The following CNTNAP2 variants were observed in gnomAD, a reference collection of about 807,000 sequenced individuals.
CNTNAP2 encodes the protein contactin-associated protein-like 2.
Under a neutral mutation model 155.2 loss-of-function variants are expected in CNTNAP2, and 98 were observed. The ratio of observed to expected loss-of-function variants is 0.63; its 90% confidence interval spans 0.54 to 0.75. CNTNAP2 has a LOEUF of 0.75. Ranked by LOEUF, CNTNAP2 falls within the 30% of genes least tolerant of loss-of-function variation. CNTNAP2 has a pLI of 0.00. For missense variants in CNTNAP2, 1,727 were observed against 1,688.1 expected (o/e 1.02, Z -0.40); for synonymous variants, 651 against 631.2 (o/e 1.03, Z -0.47).
chr7:148,218,833 G>C (rs1235748757), intron 19 of CNTNAP2, among the ~76,000 whole-genome samples: 1 of 151,838 alleles, frequency 6.6e-6, no homozygotes, highest in Non-Finnish European at 1.5e-5. Context: ...AGTGACCTCT[G>C]AGAGACATCT....
chr7:147,885,172 T>C (rs10277470), intron 13 of CNTNAP2, among the ~76,000 whole-genome samples: 2 of 152,208 alleles, frequency 1.3e-5, no homozygotes, highest in African/African-American at 4.8e-5. Flanking sequence ...TATTTTAATG[T>C]CATCAATTTT....
intron 1 of CNTNAP2, among the ~76,000 whole-genome samples, chr7:146,516,511 C>T (rs552427162): frequency 1.4e-4 from 22 of 151,994 alleles, no homozygotes; most frequent in Middle Eastern, 3.4e-3. Flanking sequence ...GGGCATTTTG[C>T]GGCAGTATTG....
chr7:147,903,783 A>C, intron 14 of CNTNAP2, 62 bp downstream of exon 14: 6 of 1,581,892 alleles, frequency 3.8e-6, no homozygotes, highest in Non-Finnish European at 5.2e-6. Flanking sequence ...TGTCAAACTC[A>C]TGTGATAGAA....
At chr7:147,400,786 C>T (rs1796899230) in intron 10 of CNTNAP2, among the ~76,000 whole-genome samples, 1 of 152,150 alleles carries the variant, frequency 6.6e-6, no homozygotes, top group Admixed American at 6.6e-5. Flanking sequence ...ATGTCTAGAG[C>T]TGTAGGGTCA....
At chr7:146,422,893 A>G (rs964117526) in intron 1 of CNTNAP2, among the ~76,000 whole-genome samples, 1 of 152,176 alleles carries the variant, frequency 6.6e-6, no homozygotes, top group Admixed American at 6.5e-5. Context: ...TTGGAGATAT[A>G]TGTAGTGCAT....
chr7:146,456,093 G>A (rs917828954), intron 1 of CNTNAP2, among the ~76,000 whole-genome samples: 1 of 152,010 alleles, frequency 6.6e-6, no homozygotes, highest in Non-Finnish European at 1.5e-5. Flanking sequence ...CAATATACTT[G>A]TTCCATTCCT....
At chr7:146,971,721 A>C (rs902632184) in intron 3 of CNTNAP2, among the ~76,000 whole-genome samples, 5 of 152,054 alleles carry the variant, frequency 3.3e-5, no homozygotes, top group Non-Finnish European at 5.9e-5. Flanking sequence ...GCCTACTATA[A>C]AAAGGCACTC....
intron 12 of CNTNAP2, among the ~76,000 whole-genome samples, chr7:147,618,437 A>G (rs995542212): frequency 1.3e-5 from 2 of 152,148 alleles, no homozygotes; most frequent in Non-Finnish European, 2.9e-5. Context: ...AATCTCTCTG[A>G]TTAACAAATT....
chr7:146,210,127 G>A (rs777724804), intron 1 of CNTNAP2, among the ~76,000 whole-genome samples: 6 of 152,034 alleles, frequency 3.9e-5, no homozygotes, highest in East Asian at 3.9e-4. Flanking sequence ...GGACAAAAAG[G>A]CATTGCTAGA....
At position 146,398,184 on chromosome 7, in the gene CNTNAP2, C is replaced by CTTTTTTTTT. The variant is rs34144986; in HGVS notation, c.97+281225_97+281233dup. 1.1e-3 allele frequency among the ~76,000 whole-genome samples: 123 copies of CTTTTTTTTT among 107,026 alleles called. 8 individuals carry two copies. The highest frequency in any genetic ancestry group is 4.9e-3 in the African/African-American group (119 of 24,390). The allele number at this position is 107,026 out of a possible 152,430, so 70.2% of individuals were successfully genotyped here. ...GTGAGCACCTATACCCGGCCCCAAA[C>CTTTTTTTTT]TTTTTTTTTTTTTTTTTTTTTTAGC... is the stretch of plus-strand genomic sequence containing the variant. On this transcript the variant is annotated intron_variant, in intron 1 of 23. Transcript: ENST00000361727.
intron 13 of CNTNAP2, among the ~76,000 whole-genome samples, chr7:147,786,029 T>C (rs570560012): frequency 2.5e-4 from 38 of 152,100 alleles, no homozygotes; most frequent in African/African-American, 7.0e-4. Flanking sequence ...CGGTGGCTCA[T>C]GCCTGTAATC....
chr7:148,330,085 G>A (rs1797958564), intron 21 of CNTNAP2, among the ~76,000 whole-genome samples: 1 of 152,200 alleles, frequency 6.6e-6, no homozygotes. Context: ...GGGATGGAGT[G>A]GACACATGGA....
chr7:146,373,278 A>G (rs147010679), intron 1 of CNTNAP2, among the ~76,000 whole-genome samples: 40 of 152,318 alleles, frequency 2.6e-4, no homozygotes, highest in African/African-American at 9.6e-4. Context: ...GTCTCTATTT[A>G]GCTATTTGGT....
At chr7:148,218,170 A>G (rs1795680509) in intron 19 of CNTNAP2, among the ~76,000 whole-genome samples, 1 of 152,222 alleles carries the variant, frequency 6.6e-6, no homozygotes. Flanking sequence ...AAACATAAAT[A>G]CATTCACTAA....
At chr7:147,632,484 C>T (rs953084965) in intron 12 of CNTNAP2, among the ~76,000 whole-genome samples, 1 of 152,176 alleles carries the variant, frequency 6.6e-6, no homozygotes, top group Non-Finnish European at 1.5e-5. Context: ...TTGCGTTGCT[C>T]TCATTCTCTC....
At chr7:146,558,797 ACT>A (rs1269204247) in intron 1 of CNTNAP2, among the ~76,000 whole-genome samples, 1 of 151,790 alleles carries the variant, frequency 6.6e-6, no homozygotes, top group African/African-American at 2.4e-5. Context: ...CTACCATTCC[ACT>A]CTCTGCTTCT....
intron 9 of CNTNAP2, among the ~76,000 whole-genome samples, chr7:147,372,745 T>G (rs913202229): frequency 6.6e-6 from 1 of 152,058 alleles, no homozygotes; most frequent in African/African-American, 2.4e-5. Flanking sequence ...AAAAAAAATG[T>G]CATCAAGTGA....
intron 13 of CNTNAP2, among the ~76,000 whole-genome samples, chr7:147,874,626 TG>T (rs2116706394): frequency 6.6e-6 from 1 of 152,380 alleles, no homozygotes. Flanking sequence ...TGAAGGTTTC[TG>T]ATATGTCCTG....
chr7:147,243,903 A>G (rs1803997092), intron 8 of CNTNAP2, among the ~76,000 whole-genome samples: 1 of 152,186 alleles, frequency 6.6e-6, no homozygotes, highest in Non-Finnish European at 1.5e-5. Context: ...ATTGTAATTT[A>G]TAATTATGGG....
Sources: allele counts gnomAD v4.1 joint callset (sites outside exome capture counted in the v4.1 genomes callset), GRCh38; gene constraint gnomAD v4.1.1; transcripts MANE v1.5; gene names NCBI Gene and HGNC (gene_info 2026-07-23, HGNC 2026-07-21).